Variants in SLC4A7 observed in about 807,000 individuals in gnomAD.
SLC4A7 encodes sodium bicarbonate cotransporter 3.
Under a neutral mutation model 137.6 loss-of-function variants are expected in SLC4A7, and 51 were observed. That is an observed-to-expected ratio of 0.37 (90% CI 0.30 to 0.47). The LOEUF is 0.47. Ranked by LOEUF, SLC4A7 falls within the 20% of genes least tolerant of loss-of-function variation. SLC4A7 has a pLI of 1.00. For missense variants in SLC4A7, 1,247 were observed against 1,525.4 expected (o/e 0.82, Z 3.04); for synonymous variants, 542 against 518.6 (o/e 1.05, Z -0.61).
chr3:27,483,973 GC>G, intron 1 of SLC4A7, 93 bp downstream of exon 1: 1 of 1,002,440 alleles, frequency 1.0e-6, no homozygotes, highest in South Asian at 3.2e-5. Flanking sequence ...GGACGAGGTG[GC>G]CGAGCCGCGA....
chr3:27,376,756 G>T lies in SLC4A7; in HGVS notation c.*8C>A. ...ATATCTATATGTATAATGCCTCTTG[G>T]TTCAATTCTATAATGAAGTTTCAGC... is the stretch of plus-strand genomic sequence containing the variant. On this transcript the variant is annotated 3_prime_UTR_variant, in exon 26 of 26. Transcript: ENST00000454389. 6.4e-7 allele frequency: 1 copy of T among 1,559,782 alleles called. No individual in the cohort carries two copies. The highest frequency in any genetic ancestry group is 8.8e-7 in the Non-Finnish European group (1 of 1,136,480).
At chr3:27,432,641 G>A (rs7648024) in intron 6 of SLC4A7, among the ~76,000 whole-genome samples, 140,859 of 152,246 alleles carry the variant, frequency 0.93, 65,282 homozygotes, top group East Asian at 1. Flanking sequence ...AATCCATTAG[G>A]AAACACCATT....
At chr3:27,482,199 T>C (rs1401475097) in intron 1 of SLC4A7, among the ~76,000 whole-genome samples, 2 of 152,134 alleles carry the variant, frequency 1.3e-5, no homozygotes, top group African/African-American at 4.8e-5. Context: ...GTAAATAGTG[T>C]AAATAATAGT....
In SLC4A7 at chr3:27,376,705, A is replaced by T; in HGVS notation, c.*59T>A. 4 of 1,006,362 alleles carry T rather than the reference A, an allele frequency of 4.0e-6. No homozygotes were observed. The Middle Eastern group carries it at 6.3e-4, about 159-fold the overall frequency. 62.3% of individuals were successfully genotyped at this position (1,006,362 alleles called of 1,614,324 possible). On this transcript the variant is annotated 3_prime_UTR_variant, in exon 26 of 26. Transcript: ENST00000454389. ...ATACAATATTCTTATATATAGTGAC[A>T]TGATACGCACACATTACATATGTAT...
At position 27,421,787 on chromosome 3, in the gene SLC4A7, C is replaced by A; in HGVS notation, c.1267-8G>T. ...CATGAAATTCATATCAACCTATTGA[C>A]AAATAAATAATTAAAAATAAAGTTT... On this transcript the variant is annotated splice_region_variant and splice_polypyrimidine_tract_variant and intron_variant, in intron 8 of 25. Coordinates refer to ENST00000454389, the MANE Select transcript of SLC4A7 (RefSeq NM_001321103.2). 6.3e-7 allele frequency: 1 copy of A among 1,597,454 alleles called. No homozygotes were observed.
chr3:27,386,223 A>G (rs1360848291), intron 22 of SLC4A7, among the ~76,000 whole-genome samples, 200 bp from the exon 23 acceptor site: 1 of 151,532 alleles, frequency 6.6e-6, no homozygotes, highest in Non-Finnish European at 1.5e-5. Flanking sequence ...AAAAACTATA[A>G]AGAGAGGAAA....
chr3:27,397,565 C>T, intron 18 of SLC4A7, 119 bp downstream of exon 18: 1 of 635,898 alleles, frequency 1.6e-6, no homozygotes, highest in South Asian at 1.9e-5. Context: ...CCTTTCAAAG[C>T]ATCAGCCCTT....
At position 27,403,232 on chromosome 3, in the gene SLC4A7, A is replaced by G. The variant is rs1183552952; in HGVS notation, c.2228T>C (p.Ile743Thr). The G allele has an allele frequency of 6.2e-7, 1 of 1,613,918 alleles. No individual in the cohort carries two copies. The highest frequency in any genetic ancestry group is 8.5e-7 in the Non-Finnish European group (1 of 1,179,952). Residue 743 changes from isoleucine to threonine, a missense_variant, in exon 15 of 26, where the codon ATA becomes ACA. This residue lies in a region of SLC4A7 where 499 missense variants were observed against 664.2 expected (regional missense o/e 0.75). Transcript: ENST00000454389. ...CTTCTCCAAAGCCTCGTAGATGAAT[A>G]TGATGCAAATAAGGGCTGCAAAAGC... ...EEAFAALICIIFIYEALEKLF... is the reference protein window; with the variant it reads ...EEAFAALICITFIYEALEKLF...
At chr3:27,471,654 G>A (rs1256962125) in intron 1 of SLC4A7, among the ~76,000 whole-genome samples, 1 of 152,184 alleles carries the variant, frequency 6.6e-6, no homozygotes, top group African/African-American at 2.4e-5. Context: ...TTACAGGCGT[G>A]AGCCACCGCG....
intron 1 of SLC4A7, among the ~76,000 whole-genome samples, chr3:27,482,779 T>C (rs578164270): frequency 1.2e-4 from 19 of 152,092 alleles, no homozygotes; most frequent in Non-Finnish European, 2.6e-4. Context: ...CTCAAAATAA[T>C]AATAATAATA....
chr3:27,425,106 C>T (rs1204040368), intron 7 of SLC4A7, among the ~76,000 whole-genome samples: 2 of 152,182 alleles, frequency 1.3e-5, no homozygotes, highest in Admixed American at 1.3e-4. Context: ...TGCAGTGGCT[C>T]ATGCCTGTAA....
rs985371671 is a variant in SLC4A7 at position 27,377,929 on chromosome 3, T to C, written c.3699-1084A>G. ...TCTTTCTTCCTATGTGATTTTGAAG[T>C]GCAGGGCAACCCAAACAAAAGGCAG... On this transcript the variant is annotated intron_variant, in intron 25 of 25. Coordinates refer to ENST00000454389, the MANE Select transcript of SLC4A7 (RefSeq NM_001321103.2). Among the ~76,000 whole-genome samples the C allele has an allele frequency of 2.0e-5, 3 of 152,212 alleles. No individual in the cohort carries two copies. In the East Asian group the frequency reaches 5.8e-4, roughly 29 times the overall value.
intron 1 of SLC4A7, among the ~76,000 whole-genome samples, chr3:27,465,704 A>G (rs915274025): frequency 6.6e-6 from 1 of 152,132 alleles, no homozygotes; most frequent in Non-Finnish European, 1.5e-5. Flanking sequence ...TCACGCCTGT[A>G]ATCCCAGCAC....
chr3:27,456,911 T>C, intron 1 of SLC4A7: 4 of 984,898 alleles, frequency 4.1e-6, no homozygotes, highest in Non-Finnish European at 4.8e-6. Context: ...GAAAGTAATA[T>C]ACACATTTAG....
chr3:27,387,955 A>G (rs1050390303), intron 22 of SLC4A7, among the ~76,000 whole-genome samples: 2 of 152,098 alleles, frequency 1.3e-5, no homozygotes, highest in African/African-American at 4.8e-5. Flanking sequence ...ATGCTATTAT[A>G]AAGCCTTTTT....
chr3:27,462,187 T>C (rs7637627), intron 1 of SLC4A7, among the ~76,000 whole-genome samples: 4,659 of 152,290 alleles, frequency 0.031, 246 homozygotes, highest in African/African-American at 0.11. Flanking sequence ...ACTTTTGTAC[T>C]TCCTACTTGG....
chr3:27,436,356 T>A, intron 5 of SLC4A7, 32 bp downstream of exon 5: 1 of 1,554,172 alleles, frequency 6.4e-7, no homozygotes, highest in Non-Finnish European at 8.8e-7. Flanking sequence ...CACTACACCT[T>A]ACATATTTTT....
At chr3:27,479,573 T>C (rs1015327209) in intron 1 of SLC4A7, among the ~76,000 whole-genome samples, 16 of 152,212 alleles carry the variant, frequency 1.1e-4, no homozygotes, top group Admixed American at 8.5e-4. Context: ...ACAGCAACAC[T>C]GCCAAACACT....
chr3:27,454,565 G>C (rs1206291579), intron 1 of SLC4A7, among the ~76,000 whole-genome samples: 1 of 152,168 alleles, frequency 6.6e-6, no homozygotes, highest in Non-Finnish European at 1.5e-5. Context: ...GCCAAAGTAG[G>C]AAACCAAACC....
Sources: gnomAD v4.1 joint callset for allele counts (sites outside exome capture counted in the v4.1 genomes callset) on GRCh38, gnomAD v4.1.1 for gene constraint, gnomAD v4.1.1 regional missense constraint, MANE v1.5 for transcripts, NCBI Gene and HGNC (gene_info 2026-07-23, HGNC 2026-07-21) for gene names.